CMIP: variants seen among roughly 807,000 people sequenced by gnomAD.
CMIP encodes C-Maf-inducing protein.
A neutral mutation model predicts 97.3 loss-of-function variants in CMIP; 13 were observed. The ratio of observed to expected loss-of-function variants is 0.13; its 90% confidence interval spans 0.09 to 0.21. The LOEUF (loss-of-function observed/expected upper bound fraction) is 0.21. Among genes scored for constraint, CMIP ranks in the 10% least tolerant of loss-of-function variants. The probability of loss-of-function intolerance (pLI) is 1.00; values close to 1 mark genes in which losing one functional copy is unlikely to be tolerated. For synonymous variants in CMIP, 538 were observed against 436.3 expected, an observed-to-expected ratio of 1.23 and a Z score of -2.91; for missense variants, 847 against 1,024.9, an observed-to-expected ratio of 0.83 and a Z score of 2.37.
chr16:81,653,225 C>G (rs1172565318), intron 4 of CMIP, among the ~76,000 whole-genome samples: 1 of 152,152 alleles, frequency 6.6e-6, no homozygotes, highest in Non-Finnish European at 1.5e-5. Flanking sequence ...GCTTCTGTCC[C>G]CCTCCCCTGA....
chr16:81,542,416 G>T (rs370085491), intron 1 of CMIP, among the ~76,000 whole-genome samples: 1 of 152,178 alleles, frequency 6.6e-6, no homozygotes, highest in African/African-American at 2.4e-5. Flanking sequence ...GTAGCATGGC[G>T]TAGGTTGGGA....
At chr16:81,684,336 T>C (rs1905170265) in intron 10 of CMIP, among the ~76,000 whole-genome samples, 1 of 152,252 alleles carries the variant, frequency 6.6e-6, no homozygotes, top group African/African-American at 2.4e-5. Flanking sequence ...AGGAGCAAAG[T>C]GGTCTGAATG....
Position 81,611,826 on chromosome 16 carries a change from A to G in CMIP, c.426+4134A>G, listed in dbSNP as rs893236647. On this transcript the variant is annotated intron_variant, in intron 2 of 20. Transcript: ENST00000537098. ...TTGCAGACCTCGGGGAGCTGACCTG[A>G]TCCTTCAAGGAAGGCAGAGAGGACA... Among the ~76,000 whole-genome samples the G allele has an allele frequency of 9.9e-5, 15 of 152,154 alleles. 1 individual carries two copies. The highest frequency in any genetic ancestry group is 7.9e-4 in the Admixed American group (12 of 15,272).
intron 3 of CMIP, chr16:81,622,041 C>G (rs985985175): frequency 2.0e-5 from 3 of 152,238 alleles, no homozygotes; most frequent in Non-Finnish European, 2.9e-5. Context: ...TGTGCCAGGA[C>G]TGGCGTGTTT....
At chr16:81,595,404 T>C (rs948284623) in intron 1 of CMIP, among the ~76,000 whole-genome samples, 3 of 150,934 alleles carry the variant, frequency 2.0e-5, no homozygotes, top group Non-Finnish European at 3.0e-5. Context: ...TTTTTTTTTT[T>C]CTGAGACAGA....
At chr16:81,686,777 T>G (rs549012450) in intron 10 of CMIP, among the ~76,000 whole-genome samples, 1 of 152,228 alleles carries the variant, frequency 6.6e-6, no homozygotes, top group Admixed American at 6.5e-5. Context: ...ACATTTGTAC[T>G]TGGTGAAAAA....
chr16:81,581,059 G>A (rs2091288356), intron 1 of CMIP, among the ~76,000 whole-genome samples: 1 of 152,110 alleles, frequency 6.6e-6, no homozygotes, highest in African/African-American at 2.4e-5. Context: ...CTTTCCCTCA[G>A]CGTCATGTTG....
chr16:81,467,024 A>C (rs1907244578), intron 1 of CMIP, among the ~76,000 whole-genome samples: 1 of 152,194 alleles, frequency 6.6e-6, no homozygotes. Flanking sequence ...GAAACCCCCA[A>C]ACTGCCCTTT....
At chr16:81,626,450 AGTGT>A (rs72237457) in intron 3 of CMIP, among the ~76,000 whole-genome samples, 53,790 of 141,898 alleles carry the variant, frequency 0.38, 11,068 homozygotes, top group Non-Finnish European at 0.49. Context: ...CTATCTTATG[AGTGT>A]GTGTGTGTAT....
intron 1 of CMIP, among the ~76,000 whole-genome samples, chr16:81,496,717 C>T (rs565918066): frequency 5.5e-4 from 84 of 152,334 alleles, no homozygotes; most frequent in African/African-American, 1.9e-3. Flanking sequence ...CCAGTAGAGG[C>T]GGGGGTCAGC....
At chr16:81,521,895 A>G (rs1256133249) in intron 1 of CMIP, among the ~76,000 whole-genome samples, 1 of 152,220 alleles carries the variant, frequency 6.6e-6, no homozygotes, top group Non-Finnish European at 1.5e-5. Context: ...TATCTTACAG[A>G]TAGAATTTCT....
At chr16:81,525,890 T>G (rs1455470143) in intron 1 of CMIP, among the ~76,000 whole-genome samples, 1 of 152,226 alleles carries the variant, frequency 6.6e-6, no homozygotes, top group Non-Finnish European at 1.5e-5. Flanking sequence ...GACTGGCTTA[T>G]TTTACTTAGC....
chr16:81,685,414 G>A (rs1012421798), intron 10 of CMIP, among the ~76,000 whole-genome samples: 1 of 152,200 alleles, frequency 6.6e-6, no homozygotes, highest in African/African-American at 2.4e-5. Context: ...TGGGCCTGCT[G>A]CTGGGGCTCA....
At chr16:81,609,655 C>G (rs576208693) in intron 2 of CMIP, among the ~76,000 whole-genome samples, 1 of 152,206 alleles carries the variant, frequency 6.6e-6, no homozygotes, top group Non-Finnish European at 1.5e-5. Context: ...GGGGCCAAAG[C>G]AGGCTCCCCA....
intron 3 of CMIP, among the ~76,000 whole-genome samples, chr16:81,638,335 G>A (rs533731802): frequency 6.6e-6 from 1 of 152,156 alleles, no homozygotes; most frequent in Non-Finnish European, 1.5e-5. Context: ...ACCCAGGCAG[G>A]AGTTTGCCTC....
rs934653341 is a variant in CMIP at position 81,610,248 on chromosome 16, A to G, written c.426+2556A>G. 2.1e-5 allele frequency: 19 copies of G among 920,680 alleles called. No homozygotes were observed. In the African/African-American group the frequency reaches 2.8e-4, roughly 14 times the overall value. The allele number at this position is 920,680 out of a possible 1,614,324, so 57.0% of individuals were successfully genotyped here. On this transcript the variant is annotated intron_variant, in intron 2 of 20. Coordinates refer to ENST00000537098, the MANE Select transcript of CMIP (RefSeq NM_198390.3). Reference sequence around the variant, plus strand: ...TTAACCCGGCTGTGGCCGCGGGCCCAGCTGTGATGACTCGCCTGGCCGCCG... The same window carrying G: ...TTAACCCGGCTGTGGCCGCGGGCCCGGCTGTGATGACTCGCCTGGCCGCCG...
At chr16:81,686,489 C>G (rs1481815990) in intron 10 of CMIP, among the ~76,000 whole-genome samples, 1 of 152,222 alleles carries the variant, frequency 6.6e-6, no homozygotes, top group South Asian at 2.1e-4. Context: ...CACCGGCACC[C>G]TCTGCCCTCA....
At position 81,449,672 on chromosome 16, in the gene CMIP, C is replaced by CT. The variant is rs1272885796; in HGVS notation, c.300+4131_300+4132insT. Among the ~76,000 whole-genome samples the CT allele has an allele frequency of 1.5e-3, 222 of 146,928 alleles. 3 individuals carry two copies. The highest frequency in any genetic ancestry group is 5.6e-3 in the African/African-American group (214 of 37,986). On this transcript the variant is annotated intron_variant, in intron 1 of 20. Transcript: ENST00000537098. ...TGTGGCAGTAAACACACAGATTTCC[C>CT]CCCCCCCCTTTCCATGCCATTTGTC...
At chr16:81,584,475 A>G (rs960832837) in intron 1 of CMIP, among the ~76,000 whole-genome samples, 3 of 152,148 alleles carry the variant, frequency 2.0e-5, no homozygotes, top group African/African-American at 7.2e-5. Context: ...ATGTGTGTAT[A>G]TATGTATGTA....
Sources: allele counts gnomAD v4.1 joint callset (sites outside exome capture counted in the v4.1 genomes callset), GRCh38; gene constraint gnomAD v4.1.1; transcripts MANE v1.5; gene names NCBI Gene and HGNC (gene_info 2026-07-23, HGNC 2026-07-21).